CDH19: variants seen among roughly 807,000 people sequenced by gnomAD.
CDH19 encodes cadherin-19.
In CDH19, 67 loss-of-function variants were observed where a neutral mutation model predicts 64.2. The observed-to-expected ratio is 1.04, with a 90% confidence interval of 0.86 to 1.28. CDH19 has a LOEUF of 1.28. Among genes scored for constraint, CDH19 ranks in the 50% most tolerant of loss-of-function variants. The probability of loss-of-function intolerance (pLI) is 0.00; values close to 1 mark genes in which losing one functional copy is unlikely to be tolerated. For missense variants in CDH19, 1,030 were observed against 929.0 expected (o/e 1.11, Z -1.41); for synonymous variants, 346 against 319.3 (o/e 1.08, Z -0.89).
At chr18:66,506,078 A>G (rs1043149743) in intron 11 of CDH19, among the ~76,000 whole-genome samples, 1 of 152,048 alleles carries the variant, frequency 6.6e-6, no homozygotes, top group Non-Finnish European at 1.5e-5. Flanking sequence ...CAGAAAGAAA[A>G]GCACTGCATG....
At chr18:66,509,325 C>A in intron 10 of CDH19, 79 bp from the exon 11 acceptor site, 1 of 1,238,254 alleles carries the variant, frequency 8.1e-7, no homozygotes, top group Middle Eastern at 2.0e-4. Context: ...GTGCTAGGGA[C>A]AATAGTATAG....
At chr18:66,510,486 A>T (rs1384170490) in intron 10 of CDH19, among the ~76,000 whole-genome samples, 1 of 147,860 alleles carries the variant, frequency 6.8e-6, no homozygotes, top group Non-Finnish European at 1.5e-5. Flanking sequence ...TCCAGCTTAG[A>T]TTCATTTATA....
chr18:66,573,274 T>C (rs79971724), intron 1 of CDH19, among the ~76,000 whole-genome samples: 3 of 151,800 alleles, frequency 2.0e-5, no homozygotes, highest in African/African-American at 4.8e-5. Flanking sequence ...CCAGAGTTCA[T>C]GTTAGGACTT....
chr18:66,588,614 C>CTATATATA (rs1321459056), intron 1 of CDH19, among the ~76,000 whole-genome samples: 6 of 113,666 alleles, frequency 5.3e-5, no homozygotes, highest in African/African-American at 8.2e-5. Flanking sequence ...TCATATATAT[C>CTATATATA]TATATCTATA....
intron 2 of CDH19, among the ~76,000 whole-genome samples, chr18:66,570,079 G>A (rs1988053774): frequency 1.3e-5 from 2 of 151,436 alleles, no homozygotes; most frequent in South Asian, 4.2e-4. Context: ...AATTCTTCAT[G>A]CGATGATGTA....
chr18:66,505,335 A>G (rs1329492847), intron 11 of CDH19, 33 bp from the exon 12 acceptor site: 2 of 1,483,266 alleles, frequency 1.3e-6, no homozygotes, highest in Non-Finnish European at 9.0e-7. Context: ...ATATCAATAA[A>G]CAATAAAGAG....
intron 9 of CDH19, among the ~76,000 whole-genome samples, chr18:66,513,656 A>T (rs998035293): frequency 6.6e-6 from 1 of 151,398 alleles, no homozygotes; most frequent in Non-Finnish European, 1.5e-5. Context: ...TATAAGAAAA[A>T]CTTCTATATG....
intron 7 of CDH19, among the ~76,000 whole-genome samples, chr18:66,540,368 A>T (rs1986841354): frequency 6.6e-6 from 1 of 152,194 alleles, no homozygotes; most frequent in Admixed American, 6.5e-5. Context: ...CCAAAAAGTA[A>T]ATCATACCCA....
At chr18:66,538,235 C>T (rs191190455) in intron 7 of CDH19, among the ~76,000 whole-genome samples, 1 of 152,160 alleles carries the variant, frequency 6.6e-6, no homozygotes, top group African/African-American at 2.4e-5. Flanking sequence ...TAATTCCTCT[C>T]CTTTTGATTA....
At chr18:66,578,795 A>G (rs1372095010) in intron 1 of CDH19, among the ~76,000 whole-genome samples, 1 of 152,010 alleles carries the variant, frequency 6.6e-6, no homozygotes, top group Non-Finnish European at 1.5e-5. Context: ...TAATATGTCT[A>G]TGCAATGTAA....
intron 4 of CDH19, among the ~76,000 whole-genome samples, chr18:66,554,195 A>G (rs1452719001): frequency 6.6e-6 from 1 of 152,024 alleles, no homozygotes; most frequent in African/African-American, 2.4e-5. Context: ...AACCACATAC[A>G]TAAGTAATTT....
At chr18:66,543,806 C>T (rs113701002) in intron 7 of CDH19, among the ~76,000 whole-genome samples, 165 bp downstream of exon 7, 208 of 152,192 alleles carry the variant, frequency 1.4e-3, no homozygotes, top group African/African-American at 4.9e-3. Context: ...TCGCTTGAAC[C>T]TGGGAAGCAG....
intron 5 of CDH19, 145 bp from the exon 6 acceptor site, chr18:66,545,048 G>A (rs1987055761): frequency 1.1e-5 from 6 of 550,240 alleles, no homozygotes; most frequent in Non-Finnish European, 1.5e-5. Context: ...GTGTGATCTC[G>A]GTTCACTGCA....
intron 3 of CDH19, among the ~76,000 whole-genome samples, 192 bp from the exon 4 acceptor site, chr18:66,554,716 C>A (rs561792006): frequency 6.6e-6 from 1 of 151,496 alleles, no homozygotes; most frequent in South Asian, 2.1e-4. Context: ...AAGAATATAA[C>A]TTTTAATACA....
intron 1 of CDH19, among the ~76,000 whole-genome samples, chr18:66,583,222 AT>A (rs1195201417): frequency 1.3e-5 from 2 of 152,136 alleles, no homozygotes; most frequent in African/African-American, 4.8e-5. Context: ...ACATATAAGC[AT>A]TGATAATTAT....
At chr18:66,566,242 T>C (rs976413336) in intron 3 of CDH19, among the ~76,000 whole-genome samples, 1 of 151,768 alleles carries the variant, frequency 6.6e-6, no homozygotes, top group African/African-American at 2.4e-5. Flanking sequence ...ACATATAATC[T>C]GTCCCTTCTA....
intron 9 of CDH19, among the ~76,000 whole-genome samples, chr18:66,520,341 G>GTTTTTTTTTTTTT (rs368834150): frequency 7.5e-6 from 1 of 132,968 alleles, no homozygotes. Context: ...GAAAATAGCT[G>GTTTTTTTTTTTTT]TTTTTTTTTT....
intron 10 of CDH19, 25 bp from the exon 11 acceptor site, chr18:66,509,271 A>AT: frequency 1.2e-6 from 2 of 1,606,214 alleles, no homozygotes; most frequent in Non-Finnish European, 8.5e-7. Flanking sequence ...CATGTGCATA[A>AT]TTTTTTCAAC....
chr18:66,506,124 T>C (rs1985187124), intron 11 of CDH19, among the ~76,000 whole-genome samples: 1 of 151,954 alleles, frequency 6.6e-6, no homozygotes, highest in African/African-American at 2.4e-5. Context: ...AAAGTTGATT[T>C]CATAGAAGTA....
Sources: gnomAD v4.1 joint callset for allele counts (sites outside exome capture counted in the v4.1 genomes callset) on GRCh38, gnomAD v4.1.1 for gene constraint, MANE v1.5 for transcripts, NCBI Gene and HGNC (gene_info 2026-07-23, HGNC 2026-07-21) for gene names.